Variants in ESRRG observed in about 807,000 individuals in gnomAD.
ESRRG encodes the protein estrogen-related receptor gamma.
In ESRRG, 13 loss-of-function variants were observed where a neutral mutation model predicts 44.0. The ratio of observed to expected loss-of-function variants is 0.30; its 90% CI spans 0.19 to 0.47. ESRRG has a LOEUF of 0.47. Ranked by LOEUF, ESRRG falls within the 20% of genes least tolerant of loss-of-function variation. The pLI, the probability that ESRRG is intolerant of heterozygous loss-of-function variation, is 1.00. For missense variants in ESRRG, 395 were observed against 580.6 expected (o/e 0.68, Z 3.29); for synonymous variants, 215 against 214.6 (o/e 1.00, Z -0.02).
intron 2 of ESRRG, among the ~76,000 whole-genome samples, chr1:216,729,319 T>C (rs888684807): frequency 6.0e-4 from 92 of 152,308 alleles, no homozygotes; most frequent in African/African-American, 2.0e-3. Context: ...GGAGAATACA[T>C]TTTATTGTCA....
At chr1:216,764,465 C>A (rs563611445) in intron 2 of ESRRG, among the ~76,000 whole-genome samples, 25 of 152,070 alleles carry the variant, frequency 1.6e-4, no homozygotes, top group African/African-American at 6.0e-4. Flanking sequence ...GATGGGGTTT[C>A]ACCATGTTGG....
chr1:216,643,635 T>G (rs568163557), intron 3 of ESRRG, among the ~76,000 whole-genome samples: 52 of 152,254 alleles, frequency 3.4e-4, no homozygotes, highest in African/African-American at 1.3e-3. Flanking sequence ...TAACTCACAA[T>G]CAGTCCAATA....
chr1:216,536,846 G>C (rs891261087), intron 5 of ESRRG, among the ~76,000 whole-genome samples: 1 of 151,934 alleles, frequency 6.6e-6, no homozygotes, highest in Non-Finnish European at 1.5e-5. Flanking sequence ...GGGTGGGGTG[G>C]AATAAATAAA....
At chr1:216,980,214 T>C (rs1222496304) in intron 1 of ESRRG, among the ~76,000 whole-genome samples, 2 of 152,188 alleles carry the variant, frequency 1.3e-5, no homozygotes, top group Non-Finnish European at 2.9e-5. Context: ...GTGCACAGAA[T>C]GGTAACTTTG....
chr1:216,956,805 A>G (rs2818792), intron 1 of ESRRG, among the ~76,000 whole-genome samples: 99,537 of 151,938 alleles, frequency 0.66, 35,699 homozygotes, highest in Non-Finnish European at 0.82. Flanking sequence ...AGAGGTTCGC[A>G]TGAACAATTC....
chr1:217,088,633 TA>T (rs1457925278), intron 1 of ESRRG, among the ~76,000 whole-genome samples: 2 of 151,808 alleles, frequency 1.3e-5, no homozygotes, highest in Non-Finnish European at 2.9e-5. Context: ...AATAAACACA[TA>T]CATAATCATT....
intron 1 of ESRRG, among the ~76,000 whole-genome samples, chr1:217,099,963 C>G (rs530294135): frequency 1.3e-5 from 2 of 149,692 alleles, no homozygotes; most frequent in South Asian, 2.1e-4. Flanking sequence ...TGCTCCGTTC[C>G]GTTACATTTT....
chr1:216,972,283 G>T (rs898183909), intron 1 of ESRRG, among the ~76,000 whole-genome samples: 1 of 152,168 alleles, frequency 6.6e-6, no homozygotes, highest in Non-Finnish European at 1.5e-5. Flanking sequence ...AGTTATAGTT[G>T]TTGGCTTGGC....
At chr1:216,722,224 T>C (rs928130675) in intron 1 of ESRRG, among the ~76,000 whole-genome samples, 2 of 152,228 alleles carry the variant, frequency 1.3e-5, no homozygotes, top group African/African-American at 4.8e-5. Flanking sequence ...CTTTTCAGAA[T>C]TATAACAGTT....
intron 2 of ESRRG, among the ~76,000 whole-genome samples, chr1:216,779,523 A>AATATAAATATATATTTATAT (rs1559608969): frequency 6.5e-5 from 6 of 92,008 alleles, no homozygotes; most frequent in African/African-American, 3.1e-4. Context: ...TATAAATATA[A>AATATAAATATATATTTATAT]ATATAAATAT....
chr1:216,815,534 C>A (rs950073899), intron 2 of ESRRG, among the ~76,000 whole-genome samples: 1 of 152,148 alleles, frequency 6.6e-6, no homozygotes, highest in Non-Finnish European at 1.5e-5. Context: ...TTTTCTCTCT[C>A]CTTTTGGGGC....
intron 2 of ESRRG, among the ~76,000 whole-genome samples, chr1:216,907,762 A>G (rs1224151040): frequency 2.0e-5 from 3 of 152,136 alleles, no homozygotes; most frequent in African/African-American, 7.2e-5. Context: ...AAAAGTTTCA[A>G]AGAGTGTTTG....
chr1:216,648,595 A>G lies in ESRRG; in HGVS notation c.589+2378T>C, dbSNP rs555277039. Among the ~76,000 whole-genome samples the G allele has an allele frequency of 2.0e-5, 3 of 152,308 alleles. No homozygotes were observed. The South Asian group carries it at 6.2e-4, about 32-fold the overall frequency. On this transcript the variant is annotated intron_variant, in intron 3 of 6. Coordinates refer to ENST00000408911, the MANE Select transcript of ESRRG (RefSeq NM_001438.4). ...TTCCTGCTAGAAATCACAATGGAAA[A>G]AATATTTAAGGAAAAATATCTTCTT...
intron 1 of ESRRG, among the ~76,000 whole-genome samples, chr1:217,043,491 C>T (rs905669236): frequency 6.6e-5 from 10 of 152,166 alleles, no homozygotes; most frequent in Admixed American, 6.5e-4. Context: ...TAAAATGAAA[C>T]ACGTCATTGT....
chr1:216,553,985 C>A (rs562873653), intron 5 of ESRRG, among the ~76,000 whole-genome samples: 1 of 152,226 alleles, frequency 6.6e-6, no homozygotes, highest in African/African-American at 2.4e-5. Context: ...ACAACACAGC[C>A]TGCTTAGACT....
intron 5 of ESRRG, among the ~76,000 whole-genome samples, chr1:216,525,187 T>TTTTGA (rs2047268194): frequency 6.7e-6 from 1 of 148,246 alleles, no homozygotes. Context: ...TGACAAGAGG[T>TTTTGA]TTTGTTTTGT....
chr1:216,994,123 A>C (rs1579206489), intron 1 of ESRRG, among the ~76,000 whole-genome samples: 2 of 152,330 alleles, frequency 1.3e-5, no homozygotes, highest in South Asian at 2.1e-4. Context: ...CATTTTCCAT[A>C]GTAGGTTATT....
intron 1 of ESRRG, among the ~76,000 whole-genome samples, chr1:217,075,698 A>T (rs991542194): frequency 3.6e-4 from 54 of 151,800 alleles, no homozygotes; most frequent in African/African-American, 1.3e-3. Flanking sequence ...TAACCATGAT[A>T]TTCTGAAACA....
chr1:216,926,250 C>G (rs2062556237), intron 2 of ESRRG, among the ~76,000 whole-genome samples: 1 of 152,128 alleles, frequency 6.6e-6, no homozygotes, highest in Non-Finnish European at 1.5e-5. Context: ...TGAATTTGGC[C>G]AGGTGCTCTA....
Sources: gnomAD v4.1 joint callset for allele counts (sites outside exome capture counted in the v4.1 genomes callset) on GRCh38, gnomAD v4.1.1 for gene constraint, MANE v1.5 for transcripts, NCBI Gene and HGNC (gene_info 2026-07-23, HGNC 2026-07-21) for gene names.